Variants in SMPD3 observed in about 807,000 individuals in gnomAD.
The protein encoded by SMPD3 is nSMase-2.
SMPD3 carries 21 observed loss-of-function variants against 55.7 expected under a neutral mutation model. That is an observed-to-expected ratio of 0.38 (90% CI 0.27 to 0.54). The LOEUF (loss-of-function observed/expected upper bound fraction) is 0.54. Among genes scored for constraint, SMPD3 ranks in the 20% least tolerant of loss-of-function variants. The probability of loss-of-function intolerance (pLI) is 0.80; values close to 1 mark genes in which losing one functional copy is unlikely to be tolerated. For synonymous variants in SMPD3, 457 were observed against 404.3 expected (o/e 1.13, Z -1.56); for missense variants, 842 against 899.6 (o/e 0.94, Z 0.82).
intron 2 of SMPD3, among the ~76,000 whole-genome samples, chr16:68,374,099 G>C (rs1221426742): frequency 6.6e-6 from 1 of 152,250 alleles, no homozygotes; most frequent in East Asian, 1.9e-4. Flanking sequence ...CAAGCTTCAG[G>C]AAAGAATAGG....
At chr16:68,429,915 G>T (rs1049481533) in intron 1 of SMPD3, among the ~76,000 whole-genome samples, 5 of 152,106 alleles carry the variant, frequency 3.3e-5, no homozygotes, top group African/African-American at 4.8e-5. Context: ...TTTACCTCCT[G>T]CCCTTTGAAG....
intron 8 of SMPD3, 38 bp downstream of exon 8, chr16:68,361,565 C>T: frequency 6.2e-7 from 1 of 1,600,818 alleles, no homozygotes; most frequent in Non-Finnish European, 8.5e-7. Flanking sequence ...CCTGCTCTCT[C>T]TTTGCATGGC....
intron 3 of SMPD3, chr16:68,369,484 C>T (rs771759221): frequency 6.7e-6 from 1 of 150,022 alleles, no homozygotes; most frequent in African/African-American, 2.4e-5. Flanking sequence ...GCCTCTGAGC[C>T]ACCTGTAGTA....
intron 3 of SMPD3, chr16:68,369,342 G>A (rs2151980229): frequency 6.6e-6 from 1 of 152,412 alleles, no homozygotes. Context: ...TGGGAGGAGG[G>A]GCTGTCCCAG....
At chr16:68,384,910 G>T (rs1350425407) in intron 2 of SMPD3, among the ~76,000 whole-genome samples, 1 of 152,140 alleles carries the variant, frequency 6.6e-6, no homozygotes, top group Non-Finnish European at 1.5e-5. Context: ...GCCACCTGCG[G>T]CCTGCTTGGG....
chr16:68,361,493 G>T (rs1003340187), intron 8 of SMPD3, 110 bp downstream of exon 8: 25 of 1,488,554 alleles, frequency 1.7e-5, no homozygotes, highest in South Asian at 6.2e-5. Flanking sequence ...GGGTATCATT[G>T]TAAGAGTGGC....
At chr16:68,379,412 G>A (rs1160649465) in intron 2 of SMPD3, among the ~76,000 whole-genome samples, 3 of 152,224 alleles carry the variant, frequency 2.0e-5, no homozygotes, top group Non-Finnish European at 2.9e-5. Flanking sequence ...GATGGTGCAC[G>A]TGCAGCACCG....
In SMPD3 at chr16:68,358,456, C is replaced by A. The variant is rs769001258; in HGVS notation, c.*2750G>T. On this transcript the variant is annotated 3_prime_UTR_variant, in exon 9 of 9. Transcript: ENST00000219334. ...ACTTGTTTTTCTTCTAGGGAAGAAC[C>A]GTCTGGATATATATTTGATAATGTT... 1.3e-5 allele frequency: 2 copies of A among 152,602 alleles called. No homozygotes were observed. The highest frequency in any genetic ancestry group is 2.4e-5 in the African/African-American group (1 of 41,438). The allele number at this position is 152,602 out of a possible 1,614,324, so 9.5% of individuals were successfully genotyped here.
chr16:68,394,220 C>A (rs1195679412), intron 1 of SMPD3, among the ~76,000 whole-genome samples: 1 of 152,076 alleles, frequency 6.6e-6, no homozygotes, highest in African/African-American at 2.4e-5. Context: ...CTCTTCTAGG[C>A]CTACTTTAGG....
chr16:68,440,918 C>A (rs2018053), intron 1 of SMPD3, among the ~76,000 whole-genome samples: 114,263 of 152,006 alleles, frequency 0.75, 43,428 homozygotes, highest in East Asian at 0.88. Flanking sequence ...ATGCAGTTAG[C>A]TAATTTGTTT....
intron 1 of SMPD3, among the ~76,000 whole-genome samples, chr16:68,426,906 T>C (rs2090440117): frequency 6.6e-6 from 1 of 152,156 alleles, no homozygotes; most frequent in Non-Finnish European, 1.5e-5. Flanking sequence ...AATATGGTTA[T>C]TCCCATTTTA....
intron 1 of SMPD3, among the ~76,000 whole-genome samples, chr16:68,431,033 T>C (rs2090475876): frequency 6.6e-6 from 1 of 152,170 alleles, no homozygotes; most frequent in African/African-American, 2.4e-5. Context: ...AATTCAGATA[T>C]ATTTCTTCAT....
In SMPD3 at chr16:68,363,804, GC is replaced by G. The variant is rs1255375801; in HGVS notation, c.1617del (p.Pro540LeufsTer60). 6.4e-7 allele frequency: 1 copy of G among 1,570,062 alleles called. No homozygotes were observed. Among genetic ancestry groups the G allele is most frequent in the Non-Finnish European group, 8.6e-7 (1 of 1,157,452 alleles). The part of the protein sequence containing the change: ...FTHYRDPCRL[G>X]PGEEKPWAIG... Reference sequence around the variant, plus strand: ...ATGGCCCACGGCTTCTCCTCACCAGGCCCCAGGCGGCAGGGGTCCCTGTAGT... The same window carrying G: ...ATGGCCCACGGCTTCTCCTCACCAGGCCCAGGCGGCAGGGGTCCCTGTAGT... On this transcript the variant is annotated frameshift_variant, in exon 6 of 9. Coordinates refer to ENST00000219334, the MANE Select transcript of SMPD3 (RefSeq NM_018667.4). LOFTEE classifies it high-confidence loss of function.
intron 1 of SMPD3, among the ~76,000 whole-genome samples, chr16:68,414,749 C>A (rs943868046): frequency 1.6e-4 from 25 of 152,190 alleles, no homozygotes; most frequent in Admixed American, 7.2e-4. Flanking sequence ...GAGTGGCATG[C>A]CCTGATTTGT....
At chr16:68,413,048 G>A (rs1256725102) in intron 1 of SMPD3, among the ~76,000 whole-genome samples, 2 of 152,218 alleles carry the variant, frequency 1.3e-5, no homozygotes, top group Non-Finnish European at 2.9e-5. Context: ...TGCCGCTAAT[G>A]CTTTTTTCTT....
chr16:68,398,508 T>C (rs768461917), intron 1 of SMPD3, among the ~76,000 whole-genome samples: 1 of 152,208 alleles, frequency 6.6e-6, no homozygotes, highest in Non-Finnish European at 1.5e-5. Flanking sequence ...CAGGCTGATG[T>C]GGCCAACCTT....
At chr16:68,420,425 A>G (rs181148220) in intron 1 of SMPD3, among the ~76,000 whole-genome samples, 1 of 152,320 alleles carries the variant, frequency 6.6e-6, no homozygotes, top group East Asian at 1.9e-4. Context: ...AGCCTATATG[A>G]TCTTCCAGTT....
intron 1 of SMPD3, among the ~76,000 whole-genome samples, chr16:68,415,601 T>A (rs1309157887): frequency 6.6e-6 from 1 of 152,248 alleles, no homozygotes; most frequent in Non-Finnish European, 1.5e-5. Flanking sequence ...CTGAAAAGTG[T>A]AACCATGACT....
chr16:68,381,623 A>G (rs1280656121), intron 2 of SMPD3, among the ~76,000 whole-genome samples: 1 of 152,004 alleles, frequency 6.6e-6, no homozygotes, highest in Non-Finnish European at 1.5e-5. Flanking sequence ...TAGATGTGGA[A>G]CCTTCCAGAG....
Sources: allele counts gnomAD v4.1 joint callset (sites outside exome capture counted in the v4.1 genomes callset), GRCh38; gene constraint gnomAD v4.1.1; transcripts MANE v1.5; gene names NCBI Gene and HGNC (gene_info 2026-07-23, HGNC 2026-07-21).